The following FRMPD1 variants were observed in gnomAD, a reference collection of about 807,000 sequenced individuals.
FRMPD1 encodes FERM and PDZ domain-containing protein 1.
A neutral mutation model predicts 117.8 loss-of-function variants in FRMPD1; 76 were observed. The ratio of observed to expected loss-of-function variants is 0.65; its 90% CI spans 0.54 to 0.78. The LOEUF is 0.78. Among genes scored for constraint, FRMPD1 ranks in the 30% least tolerant of loss-of-function variants. The pLI, the probability that FRMPD1 is intolerant of heterozygous loss-of-function variation, is 0.00. For missense variants in FRMPD1, 1,786 were observed against 1,964.5 expected, an observed-to-expected ratio of 0.91 and a Z score of 1.72; for synonymous variants, 783 against 770.4, an observed-to-expected ratio of 1.02 and a Z score of -0.27.
intron 1 of FRMPD1, among the ~76,000 whole-genome samples, chr9:37,681,876 A>G (rs1377297954): frequency 6.6e-6 from 1 of 152,264 alleles, no homozygotes; most frequent in Non-Finnish European, 1.5e-5. Flanking sequence ...ACCTGAATCC[A>G]TACGAAGTTA....
Position 37,746,253 on chromosome 9 carries a change from A to G in FRMPD1, c.4221A>G (p.Ala1407=). 1 of 1,612,898 alleles carries G rather than the reference A, an allele frequency of 6.2e-7. No individual in the cohort carries two copies. Among genetic ancestry groups the G allele is most frequent in the South Asian group, 1.1e-5 (1 of 91,074 alleles). Residue 1407 remains alanine (A), a synonymous_variant, in exon 16 of 16, where the codon GCA becomes GCG. Coordinates refer to ENST00000377765, the MANE Select transcript of FRMPD1 (RefSeq NM_014907.3). The stretch of plus-strand genomic sequence containing the variant: ...TCTGGCCAGAGTACTGCTCCAGGGC[A>G]CTGAGACAGCTGAAAGCCACCCCTG... ...SHIWPEYCSR[A]LRQLKATPAS...
At chr9:37,709,293 A>AT (rs1454767789) in intron 4 of FRMPD1, among the ~76,000 whole-genome samples, 34 of 150,210 alleles carry the variant, frequency 2.3e-4, no homozygotes, top group Non-Finnish European at 4.6e-4. Context: ...TATATATATA[A>AT]AATTCAGTTT....
At chr9:37,717,331 A>ATGTG (rs1157491514) in intron 5 of FRMPD1, among the ~76,000 whole-genome samples, 520 of 108,456 alleles carry the variant, frequency 4.8e-3, no homozygotes, top group African/African-American at 0.013. Context: ...GTGTGTGTGT[A>ATGTG]TGTGTATATA....
rs917492448 is a variant in FRMPD1 at position 37,724,418 on chromosome 9, C to A, written c.612+98C>A. The A allele has an allele frequency of 6.1e-6, 4 of 653,546 alleles. No homozygotes were observed. The East Asian group carries it at 1.1e-4, about 18-fold the overall frequency. The allele number at this position is 653,546 out of a possible 1,614,324, so 40.5% of individuals were successfully genotyped here. A position where few individuals can be genotyped will look rare whatever the true frequency, so the allele number is the denominator to read the frequency against. ...CCCTGCATCTGCCTTGGTGGTCTCA[C>A]AAACACCGTGGTCTGAGCCCCTGTA... On this transcript the variant is annotated intron_variant, in intron 7 of 15. Coordinates refer to ENST00000377765, the MANE Select transcript of FRMPD1 (RefSeq NM_014907.3).
intron 4 of FRMPD1, among the ~76,000 whole-genome samples, chr9:37,708,921 A>G (rs1822811714): frequency 2.0e-5 from 3 of 152,200 alleles, no homozygotes; most frequent in Admixed American, 2.0e-4. Flanking sequence ...CTTCTTAAAT[A>G]TAATTGCAGG....
At chr9:37,626,090 C>A in the FRMPD1 span, among the ~76,000 whole-genome samples, 8 of 152,110 alleles carry the variant, frequency 5.3e-5, no homozygotes, top group African/African-American at 1.7e-4. Flanking sequence ...ACTTTAAGAG[C>A]CTGAGGCAGG....
chr9:37,616,419 C>T, the FRMPD1 span, among the ~76,000 whole-genome samples: 2 of 152,154 alleles, frequency 1.3e-5, no homozygotes, highest in African/African-American at 2.4e-5. Context: ...GCCCGGCCCA[C>T]ATCTGTTGTT....
intron 1 of FRMPD1, among the ~76,000 whole-genome samples, chr9:37,655,573 G>A (rs1563919702): frequency 1.4e-5 from 2 of 141,812 alleles, no homozygotes; most frequent in Non-Finnish European, 3.0e-5. Context: ...GTGCGATCTC[G>A]GCTCACTGCA....
At chr9:37,627,199 T>C in the FRMPD1 span, among the ~76,000 whole-genome samples, 1 of 152,176 alleles carries the variant, frequency 6.6e-6, no homozygotes. Flanking sequence ...TTACCTCAAT[T>C]TCCCAAGTTG....
rs1824735471 is a variant in FRMPD1 at position 37,746,590 on chromosome 9, G to T, written c.4558G>T (p.Ala1520Ser). The stretch of plus-strand genomic sequence containing the variant: ...CCGCTGCTCCGCCCGGCACAGGGAG[G>T]CAGCGGGGAACCTGAGGGATGTGGT... Reference protein sequence around the residue: ...CSRCSARHREAAGNLRDVVYT... With the variant: ...CSRCSARHRESAGNLRDVVYT... The change falls in exon 16 of 16, where the codon GCA becomes TCA. Residue 1520 changes from alanine to serine, a missense_variant. Ala to Ser is a moderately conservative substitution (Grantham distance 99). Transcript: ENST00000377765. 1.2e-6 allele frequency: 2 copies of T among 1,613,872 alleles called. No homozygotes were observed. Among genetic ancestry groups the T allele is most frequent in the Admixed American group, 1.7e-5 (1 of 60,014 alleles).
intron 1 of FRMPD1, among the ~76,000 whole-genome samples, chr9:37,674,829 T>C (rs1821470097): frequency 6.6e-6 from 1 of 152,164 alleles, no homozygotes; most frequent in Non-Finnish European, 1.5e-5. Context: ...CAGTTGCCTC[T>C]CCCTGGGTCC....
At chr9:37,675,556 G>A (rs1481676558) in intron 1 of FRMPD1, among the ~76,000 whole-genome samples, 4 of 152,176 alleles carry the variant, frequency 2.6e-5, no homozygotes, top group Non-Finnish European at 4.4e-5. Context: ...ATGGGGGGAG[G>A]GTACAAAGAC....
chr9:37,729,877 C>T lies in FRMPD1; in HGVS notation c.738+24C>T, dbSNP rs377362217. 6 of 1,609,836 alleles carry T rather than the reference C, an allele frequency of 3.7e-6. No individual in the cohort carries two copies. In the South Asian group the frequency reaches 4.4e-5, roughly 12 times the overall value. ...AGGTAGGGAGGACTGACCGCCTGTT[C>T]CTGGGAGGCATGGGCTGGGCTGGCT... is the stretch of plus-strand genomic sequence containing the variant. On this transcript the variant is annotated intron_variant, in intron 8 of 15. Coordinates refer to ENST00000377765, the MANE Select transcript of FRMPD1 (RefSeq NM_014907.3).
intron 1 of FRMPD1, chr9:37,670,157 A>T (rs1301660840): frequency 6.6e-6 from 1 of 152,184 alleles, no homozygotes; most frequent in African/African-American, 2.4e-5. Flanking sequence ...TAACTGTATT[A>T]TACTGGGTTT....
the FRMPD1 span, among the ~76,000 whole-genome samples, chr9:37,643,736 G>A: frequency 2.0e-5 from 3 of 152,150 alleles, no homozygotes; most frequent in Non-Finnish European, 4.4e-5. Context: ...CCACAAGTGG[G>A]TAAGTTGGGC....
the FRMPD1 span, among the ~76,000 whole-genome samples, chr9:37,637,449 G>A: frequency 3.3e-5 from 5 of 152,060 alleles, no homozygotes; most frequent in African/African-American, 1.2e-4. Flanking sequence ...TGTGAGTTTT[G>A]ATAAACATAC....
chr9:37,637,341 C>G, the FRMPD1 span: 3 of 891,424 alleles, frequency 3.4e-6, no homozygotes, highest in Non-Finnish European at 5.7e-6. Flanking sequence ...CTCTGCTCCG[C>G]CTCCCGTTCC....
chr9:37,711,256 G>T (rs1822898927), intron 4 of FRMPD1, 94 bp from the exon 5 acceptor site: 3 of 838,804 alleles, frequency 3.6e-6, no homozygotes, highest in South Asian at 1.4e-5. Context: ...CAGTCTTTTT[G>T]ACCCTAACAC....
the FRMPD1 span, among the ~76,000 whole-genome samples, chr9:37,622,676 G>T: frequency 6.6e-6 from 1 of 152,200 alleles, no homozygotes; most frequent in African/African-American, 2.4e-5. Context: ...TCTCTGTTAT[G>T]ATTCAGCCAT....
Sources: gnomAD v4.1 joint callset for allele counts (sites outside exome capture counted in the v4.1 genomes callset) on GRCh38, gnomAD v4.1.1 for gene constraint, MANE v1.5 for transcripts, NCBI Gene and HGNC (gene_info 2026-07-23, HGNC 2026-07-21) for gene names.